Variants in SLC6A12 observed in about 807,000 individuals in gnomAD.
SLC6A12 encodes the protein solute carrier family 6 member 12.
SLC6A12 carries 50 observed loss-of-function variants against 73.3 expected under a neutral mutation model. The observed-to-expected ratio is 0.68, with a 90% CI of 0.54 to 0.86. The LOEUF is 0.86. Among genes scored for constraint, SLC6A12 ranks in the 40% least tolerant of loss-of-function variants. The probability of loss-of-function intolerance (pLI) is 0.00; values close to 1 mark genes in which losing one functional copy is unlikely to be tolerated. For synonymous variants in SLC6A12, 304 were observed against 309.2 expected (o/e 0.98, Z 0.18); for missense variants, 648 against 772.8 (o/e 0.84, Z 1.92).
At chr12:211,751 G>A (rs140773201) in intron 2 of SLC6A12, among the ~76,000 whole-genome samples, 5 of 152,180 alleles carry the variant, frequency 3.3e-5, no homozygotes, top group South Asian at 2.1e-4. Context: ...TTGAAAACAC[G>A]CATGAAAATG....
rs534611686 is a variant in SLC6A12, at chr12:192,938, CA to C, written c.1531-291del. 1.4e-3 allele frequency: 626 copies of C among 453,910 alleles called. 10 individuals carry two copies. Among genetic ancestry groups the C allele is most frequent in the African/African-American group, 0.011 (534 of 49,388 alleles). The allele number at this position is 453,910 out of a possible 1,614,324, so 28.1% of individuals were successfully genotyped here. The stretch of plus-strand genomic sequence containing the variant: ...GGGCTCGGAAGAGCATCATTCACAT[CA>C]CAGACGGAGACAGGGGGTGATACAA... On this transcript the variant is annotated intron_variant, in intron 14 of 15. Coordinates refer to ENST00000684302, the MANE Select transcript of SLC6A12 (RefSeq NM_001122848.3).
At chr12:199,147 G>T (rs1591789448) in intron 7 of SLC6A12, 1 of 408,506 alleles carries the variant, frequency 2.4e-6, no homozygotes, top group Non-Finnish European at 4.6e-6. Flanking sequence ...CAGGGGGAGG[G>T]TGGGGAGGGG....
rs373249721 is a variant in SLC6A12, at chr12:197,491, C to T, written c.961G>A (p.Ala321Thr). Residue 321 changes from alanine (A) to threonine (T), a missense_variant, in exon 10 of 16, where the codon GCC (alanine) becomes ACC (threonine). By Grantham distance (58) the Ala-to-Thr change is moderately conservative (BLOSUM62 0). Transcript: ENST00000684302. ...GTGGCACTGTTCAGGAAGCAGAGGG[C>T]GATGCAGTCCCTGTGGGAGTGGGGC... ...YHNNCYKDCI[A>T]LCFLNSATSF... The T allele has an allele frequency of 1.2e-4, 186 of 1,612,530 alleles. No individual in the cohort carries two copies. Among genetic ancestry groups the T allele is most frequent in the Non-Finnish European group, 1.5e-4 (173 of 1,179,378 alleles).
At chr12:201,300 C>G (rs216246) in intron 6 of SLC6A12, 107,780 of 201,254 alleles carry the variant, frequency 0.54, 30,555 homozygotes, top group African/African-American at 0.75. Context: ...TGTGGGCACA[C>G]GTAATGTGAA....
At chr12:203,793 C>T (rs1156319737) in intron 4 of SLC6A12, 2 of 139,894 alleles carry the variant, frequency 1.4e-5, no homozygotes, top group African/African-American at 2.6e-5. Flanking sequence ...AAGGGGCTCG[C>T]GGGGGAGCGC....
At position 198,905 on chromosome 12, in the gene SLC6A12, C is replaced by T. The variant is rs149132364; in HGVS notation, c.738G>A (p.Pro246=). 1.8e-4 allele frequency: 291 copies of T among 1,614,000 alleles called. 1 individual carries two copies. The highest frequency in any genetic ancestry group is 2.3e-4 in the Non-Finnish European group (269 of 1,180,008). ...TCAGCAAAATGACAAGCATCAGGTA[C>T]GGAAACGTGGCTGTGAAATAAACCA... ...GKVVYFTATF[P]YLMLVILLIR... Residue 246 remains proline, a synonymous_variant, in exon 8 of 16, where the codon CCG becomes CCA. Coordinates refer to ENST00000684302, the MANE Select transcript of SLC6A12 (RefSeq NM_001122848.3). The surrounding 1 kb of genome is among the most constrained non-coding windows in gnomAD (Gnocchi z 4.0).
chr12:210,947 C>A (rs755053275), intron 2 of SLC6A12, among the ~76,000 whole-genome samples: 10 of 152,204 alleles, frequency 6.6e-5, no homozygotes, highest in Admixed American at 1.3e-4. Flanking sequence ...TGTCCCTTGG[C>A]CTGCTTGTCA....
downstream of SLC6A12, among the ~76,000 whole-genome samples, chr12:187,685 C>T (rs1159106092): frequency 6.7e-6 from 1 of 149,340 alleles, no homozygotes; most frequent in African/African-American, 2.5e-5. Context: ...CGGGTTACCA[C>T]TAGGGCCTCC....
chr12:210,471 G>T (rs567909758), intron 2 of SLC6A12: 93 of 929,200 alleles, frequency 1.0e-4, no homozygotes, highest in South Asian at 1.6e-4. Flanking sequence ...CAACGGGCAG[G>T]TGTGGCCGAA....
chr12:195,372 G>C (rs769580832), intron 12 of SLC6A12, 45 bp from the exon 13 acceptor site: 10 of 1,260,532 alleles, frequency 7.9e-6, no homozygotes, highest in Middle Eastern at 1.9e-4. Context: ...TGCAGAGCTG[G>C]GACACACTCC....
chr12:184,521 C>A, the SLC6A12 span, among the ~76,000 whole-genome samples: 4 of 152,174 alleles, frequency 2.6e-5, no homozygotes, highest in South Asian at 6.2e-4. Context: ...GAGGCCGAGG[C>A]GGGCGGATCA....
chr12:186,412 C>G (rs1939428791), downstream of SLC6A12, among the ~76,000 whole-genome samples: 1 of 152,184 alleles, frequency 6.6e-6, no homozygotes, highest in South Asian at 2.1e-4. Flanking sequence ...AAAAATCACC[C>G]CAAAGCTTAC....
intron 7 of SLC6A12, 106 bp from the exon 8 acceptor site, chr12:199,037 A>G: frequency 8.9e-7 from 1 of 1,119,328 alleles, no homozygotes; most frequent in Admixed American, 2.0e-5. Flanking sequence ...TCCCAACCTC[A>G]GAGACAGCCT....
At position 207,412 on chromosome 12, in the gene SLC6A12, T is replaced by C. The variant is rs563541578; in HGVS notation, c.214+2361A>G. ...AATGGGAACTTCCTAAAGTTCTCTTTTGAGGTGAGTGATTTCTAGTTCAGG... is the reference window on the plus strand; with the variant it reads ...AATGGGAACTTCCTAAAGTTCTCTTCTGAGGTGAGTGATTTCTAGTTCAGG... On this transcript the variant is annotated intron_variant, in intron 3 of 15. Transcript: ENST00000684302. Among the ~76,000 whole-genome samples the C allele has an allele frequency of 2.6e-5, 4 of 152,364 alleles. No homozygotes were observed. In the East Asian group the frequency reaches 7.7e-4, roughly 29 times the overall value.
At chr12:187,621 A>AAAC (rs1939458540), downstream of SLC6A12, among the ~76,000 whole-genome samples, 1 of 54,030 alleles carries the variant, frequency 1.9e-5, no homozygotes, top group African/African-American at 7.6e-5. Flanking sequence ...AAAAAAAAAA[A>AAAC]AAAAAAAAAA....
the SLC6A12 span, among the ~76,000 whole-genome samples, chr12:184,668 T>G: frequency 1.3e-5 from 2 of 152,098 alleles, no homozygotes; most frequent in African/African-American, 4.8e-5. Context: ...GAGAATGGCG[T>G]GAACCCGGGA....
At chr12:184,608 G>A in the SLC6A12 span, among the ~76,000 whole-genome samples, 43,288 of 151,776 alleles carry the variant, frequency 0.29, 6,542 homozygotes, top group East Asian at 0.4. Flanking sequence ...AAATTAGCCG[G>A]GCGTGGTGGC....
chr12:210,059 G>A lies in SLC6A12; in HGVS notation c.-57-16C>T. On this transcript the variant is annotated splice_polypyrimidine_tract_variant and intron_variant, in intron 2 of 15. Coordinates refer to ENST00000684302, the MANE Select transcript of SLC6A12 (RefSeq NM_001122848.3). ...GGGCCAAAGCCTGGTGGGAAGAGAAGAAATTAGCTGTAAAACCCGACATGC... is the reference window on the plus strand; with the variant it reads ...GGGCCAAAGCCTGGTGGGAAGAGAAAAAATTAGCTGTAAAACCCGACATGC... 1 of 1,568,442 alleles carries A rather than the reference G, an allele frequency of 6.4e-7. No individual in the cohort carries two copies. Among genetic ancestry groups the A allele is most frequent in the East Asian group, 2.3e-5 (1 of 43,538 alleles).
chr12:187,632 C>CAAAAAAAAAAAAAAAAAA (rs766643317), downstream of SLC6A12, among the ~76,000 whole-genome samples: 1 of 96,380 alleles, frequency 1.0e-5, no homozygotes, highest in Non-Finnish European at 2.0e-5. Flanking sequence ...AAAAAAAAAA[C>CAAAAAAAAAAAAAAAAAA]AAACCACACA....
Sources: gnomAD v4.1 joint callset for allele counts (sites outside exome capture counted in the v4.1 genomes callset) on GRCh38, gnomAD v4.1.1 for gene constraint, Gnocchi (gnomAD v3.1) non-coding constraint, MANE v1.5 for transcripts, NCBI Gene and HGNC (gene_info 2026-07-23, HGNC 2026-07-21) for gene names.